RRP1: variants seen among roughly 807,000 people sequenced by gnomAD.
RRP1 encodes the protein ribosomal RNA processing 1, also known as ribosomal RNA processing protein 1 homolog A.
In RRP1, 37 loss-of-function variants were observed where a neutral mutation model predicts 54.6. That is an observed-to-expected ratio of 0.68 (90% CI 0.52 to 0.89). RRP1 has a LOEUF of 0.89. RRP1 is among the 40% of genes least tolerant of loss of function. RRP1 has a pLI of 0.00. For missense variants in RRP1, 639 were observed against 612.5 expected (o/e 1.04, Z -0.46); for synonymous variants, 262 against 244.3 (o/e 1.07, Z -0.67).
chr21:43,800,492 C>G, intron 9 of RRP1, 25 bp from the exon 10 acceptor site: 2 of 1,612,256 alleles, frequency 1.2e-6, no homozygotes, highest in Non-Finnish European at 1.7e-6. Flanking sequence ...GACCTTGCCT[C>G]TGTGACGTCT....
chr21:43,794,433 C>T (rs1402942019), intron 4 of RRP1, among the ~76,000 whole-genome samples: 1 of 152,162 alleles, frequency 6.6e-6, no homozygotes, highest in African/African-American at 2.4e-5. Flanking sequence ...CACAGCCTTG[C>T]GTCAGGGCTA....
intron 12 of RRP1, 127 bp from the exon 13 acceptor site, chr21:43,803,385 T>C: frequency 7.7e-7 from 1 of 1,301,330 alleles, no homozygotes; most frequent in Non-Finnish European, 1.0e-6. Flanking sequence ...GGGATGCGTC[T>C]GGCTGGCTGT....
rs1021745447 is a variant in RRP1, at chr21:43,800,767, C to T, written c.990-95C>T. 3.2e-6 allele frequency: 5 copies of T among 1,574,342 alleles called. No homozygotes were observed. The African/African-American group carries it at 6.7e-5, about 21-fold the overall frequency. ...GAGACCGTCCCCAGCCCCTGGGGTTCCCCTGGCTAGGAACCTGCAGCCGCT... is the reference window on the plus strand; with the variant it reads ...GAGACCGTCCCCAGCCCCTGGGGTTTCCCTGGCTAGGAACCTGCAGCCGCT... On this transcript the variant is annotated intron_variant, in intron 10 of 12. Coordinates refer to ENST00000497547, the MANE Select transcript of RRP1 (RefSeq NM_003683.6).
intron 12 of RRP1, among the ~76,000 whole-genome samples, chr21:43,803,304 G>A (rs2085111787): frequency 6.6e-6 from 1 of 152,190 alleles, no homozygotes; most frequent in Admixed American, 6.5e-5. Flanking sequence ...TCCTCACGCT[G>A]GTCCTTCTGA....
intron 4 of RRP1, 35 bp downstream of exon 4, chr21:43,793,439 C>A: frequency 6.3e-7 from 1 of 1,578,650 alleles, no homozygotes; most frequent in Non-Finnish European, 8.7e-7. Flanking sequence ...CGGGCGGGGG[C>A]AGCGCGGGTC....
At chr21:43,790,879 C>T in intron 1 of RRP1, 1 of 416,920 alleles carries the variant, frequency 2.4e-6, no homozygotes, top group South Asian at 1.7e-5. Context: ...GCGTGAGCCA[C>T]CGCACCTGGC....
chr21:43,802,170 C>T (rs1201663626), intron 11 of RRP1, 104 bp from the exon 12 acceptor site: 2 of 774,654 alleles, frequency 2.6e-6, no homozygotes, highest in Non-Finnish European at 4.4e-6. Context: ...TTCTCACACA[C>T]ATTGTCAGGA....
rs1260163120 is a variant in RRP1 at position 43,792,720 on chromosome 21, A to G, written c.265A>G (p.Thr89Ala). ...ISQLVHAFQT[T>A]EAQHLFLQAF... is the part of the protein sequence containing the mutation. ...CCAGCTCGTTCATGCTTTTCAGACC[A>G]CGGAGGCGCGTGAGTATGCTCTGCT... The change falls in exon 3 of 13, where the codon ACG (threonine) becomes GCG (alanine). Residue 89 changes from threonine (T) to alanine (A), a missense_variant. Transcript: ENST00000497547. 2 of 1,614,056 alleles carry G rather than the reference A, an allele frequency of 1.2e-6. No homozygotes were observed. Among genetic ancestry groups the G allele is most frequent in the East Asian group, 2.2e-5 (1 of 44,896 alleles).
intron 4 of RRP1, among the ~76,000 whole-genome samples, 193 bp from the exon 5 acceptor site, chr21:43,794,996 G>A (rs1461723659): frequency 6.6e-6 from 1 of 152,264 alleles, no homozygotes; most frequent in Admixed American, 6.5e-5. Flanking sequence ...CTCAGCCCAG[G>A]GTTCTGAGGG....
chr21:43,795,273 C>T (rs2085007380), intron 5 of RRP1, 23 bp downstream of exon 5: 2 of 1,612,138 alleles, frequency 1.2e-6, no homozygotes, highest in African/African-American at 2.7e-5. Flanking sequence ...CGGGCCTGCT[C>T]TGGGGGGACG....
chr21:43,789,934 G>T (rs2084939600), intron 1 of RRP1, among the ~76,000 whole-genome samples, 172 bp downstream of exon 1: 2 of 148,996 alleles, frequency 1.3e-5, no homozygotes, highest in African/African-American at 5.1e-5. Flanking sequence ...CACGGCCCCC[G>T]CCGCCGCTTT....
At chr21:43,796,481 C>T (rs772154121) in intron 5 of RRP1, among the ~76,000 whole-genome samples, 52 of 151,604 alleles carry the variant, frequency 3.4e-4, no homozygotes, top group Non-Finnish European at 6.2e-4. Flanking sequence ...TGCCTTCCCC[C>T]AATGCCTGCT....
chr21:43,801,009 C>T (rs1403472757), intron 11 of RRP1, 128 bp downstream of exon 11: 5 of 1,048,458 alleles, frequency 4.8e-6, no homozygotes, highest in Non-Finnish European at 7.4e-6. Flanking sequence ...GGTGGTGTTT[C>T]TGAGGGACAG....
In RRP1 at chr21:43,791,401, G is replaced by C; in HGVS notation, c.185G>C (p.Cys62Ser). The C allele has an allele frequency of 6.2e-7, 1 of 1,614,056 alleles. No homozygotes were observed. Among genetic ancestry groups the C allele is most frequent in the Non-Finnish European group, 8.5e-7 (1 of 1,179,992 alleles). ...AAGGTGTGGAAAGGACTGTTTTATT[G>C]CATGTGGATGCAGGACAAGCCACTC... is the stretch of plus-strand genomic sequence containing the variant. Reference protein sequence around the residue: ...LLKVWKGLFYCMWMQDKPLLQ... With the variant: ...LLKVWKGLFYSMWMQDKPLLQ... The change falls in exon 2 of 13, where the codon TGC (cysteine) becomes TCC (serine). Residue 62 changes from cysteine (C) to serine (S), a missense_variant. Transcript: ENST00000497547.
intron 1 of RRP1, chr21:43,791,016 AT>A (rs1569012105): frequency 6.2e-6 from 3 of 480,238 alleles, no homozygotes; most frequent in African/African-American, 5.9e-5. Flanking sequence ...TCACCAACAG[AT>A]TAACCTTGTG....
chr21:43,797,230 C>G, intron 5 of RRP1, 192 bp from the exon 6 acceptor site: 1 of 852,338 alleles, frequency 1.2e-6, no homozygotes, highest in Non-Finnish European at 1.7e-6. Context: ...AACTGCAAGA[C>G]TGCCTTGCGC....
At chr21:43,795,723 A>G (rs1199230299) in intron 5 of RRP1, among the ~76,000 whole-genome samples, 1 of 152,144 alleles carries the variant, frequency 6.6e-6, no homozygotes, top group African/African-American at 2.4e-5. Context: ...TAATTTTTGT[A>G]TCTTTTTTTG....
Position 43,804,761 on chromosome 21 carries a change from G to A in RRP1, c.*987G>A, listed in dbSNP as rs1194837065. The A allele has an allele frequency of 6.6e-6, 1 of 152,348 alleles. No homozygotes were observed. The highest frequency in any genetic ancestry group is 2.4e-5 in the African/African-American group (1 of 41,466). 9.4% of individuals were successfully genotyped at this position (152,348 alleles called of 1,614,324 possible). ...GCCTGGGACCAGGAAGGACCTCTAGGCTGTGGCTGGCCTTGTGCAGACCCT... is the reference window on the plus strand; with the variant it reads ...GCCTGGGACCAGGAAGGACCTCTAGACTGTGGCTGGCCTTGTGCAGACCCT... On this transcript the variant is annotated 3_prime_UTR_variant, in exon 13 of 13. Transcript: ENST00000497547. The surrounding 1 kb of genome is among the most constrained non-coding windows in gnomAD (Gnocchi z 4.3).
At position 43,803,740 on chromosome 21, in the gene RRP1, A is replaced by G. The variant is rs1345980727; in HGVS notation, c.1352A>G (p.Gln451Arg). The G allele has an allele frequency of 6.3e-7, 1 of 1,577,246 alleles. No homozygotes were observed. Among genetic ancestry groups the G allele is most frequent in the East Asian group, 2.3e-5 (1 of 43,630 alleles). ...GCCCGAGCAAAGGCGGCCAATGTCC[A>G]GGAGCCGGAGAAGAAGAAGAAACGC... ...TSARAKAANV[Q>R]EPEKKKKRRE The change falls in exon 13 of 13, where the codon CAG (glutamine) becomes CGG (arginine). Residue 451 changes from glutamine to arginine, a missense_variant. By Grantham distance (43) the Gln-to-Arg change is conservative (BLOSUM62 1). Transcript: ENST00000497547.
Sources: allele counts gnomAD v4.1 joint callset (sites outside exome capture counted in the v4.1 genomes callset), GRCh38; gene constraint gnomAD v4.1.1; non-coding constraint Gnocchi (gnomAD v3.1); transcripts MANE v1.5; gene names NCBI Gene and HGNC (gene_info 2026-07-23, HGNC 2026-07-21).